Variants in KRT36 observed in about 807,000 individuals in gnomAD.
KRT36 encodes keratin, type I cuticular Ha6.
KRT36 carries 41 observed loss-of-function variants against 43.0 expected under a neutral mutation model. The observed-to-expected ratio is 0.95, with a 90% CI of 0.74 to 1.24. The LOEUF (loss-of-function observed/expected upper bound fraction) is 1.24, where lower values mean the gene tolerates loss of function less well. Ranked by LOEUF, KRT36 falls within the 50% of genes most tolerant of loss-of-function variation. KRT36 has a pLI of 0.00. For synonymous variants in KRT36, 277 were observed against 252.9 expected (o/e 1.10, Z -0.90); for missense variants, 627 against 595.3 (o/e 1.05, Z -0.55).
chr17:41,489,150 G>A (rs1302853353), intron 1 of KRT36, among the ~76,000 whole-genome samples: 1 of 152,198 alleles, frequency 6.6e-6, no homozygotes, highest in African/African-American at 2.4e-5. Flanking sequence ...TGCTGTATCC[G>A]GTAGGGGCTT....
rs752014557 is a variant in KRT36 at position 41,487,579 on chromosome 17, G to A, written c.858C>T (p.Thr286=). 6.2e-7 allele frequency: 1 copy of A among 1,613,980 alleles called. No individual in the cohort carries two copies. The highest frequency in any genetic ancestry group is 1.1e-5 in the South Asian group (1 of 91,082). Residue 286 remains threonine, a synonymous_variant, in exon 4 of 7, where the codon ACC becomes ACT. Transcript: ENST00000328119. ...TCCCAGGGCACCCCAGCCCCACCTG[G>A]GTGTTGAACCAGGCCTCCACATCTC... ...NRRDVEAWFN[T]QTEELNQQVV...
intron 1 of KRT36, 79 bp downstream of exon 1, chr17:41,489,327 T>A (rs1904495644): frequency 6.9e-7 from 1 of 1,459,128 alleles, no homozygotes; most frequent in Admixed American, 1.9e-5. Context: ...TACCGTCCCA[T>A]CTGGAAAGGC....
intron 4 of KRT36, 23 bp downstream of exon 4, chr17:41,487,553 G>A (rs1904436970): frequency 6.2e-7 from 1 of 1,613,094 alleles, no homozygotes; most frequent in African/African-American, 1.3e-5. Flanking sequence ...GGAGCCTGTG[G>A]TCCCAGGGCA....
intron 2 of KRT36, 70 bp downstream of exon 2, chr17:41,488,572 C>A: frequency 6.5e-7 from 1 of 1,539,460 alleles, no homozygotes; most frequent in Non-Finnish European, 9.0e-7. Context: ...CCCACATCAC[C>A]AGCTCCCAAA....
rs760227496 is a variant in KRT36, at chr17:41,487,205, G to A, written c.988-35C>T. The stretch of plus-strand genomic sequence containing the variant: ...GAAAGAGGAAGAGCTGCCTATTGGG[G>A]AGGAATCCCCTGACCCCAGAAACCC... On this transcript the variant is annotated intron_variant, in intron 5 of 6. Transcript: ENST00000328119. 4 of 1,597,216 alleles carry A rather than the reference G, an allele frequency of 2.5e-6. No individual in the cohort carries two copies. In the South Asian group the frequency reaches 3.4e-5, roughly 14 times the overall value.
rs775869901 is a variant in KRT36 at position 41,489,557 on chromosome 17, C to T, written c.308G>A (p.Arg103His). 3.7e-6 allele frequency: 6 copies of T among 1,614,152 alleles called. No homozygotes were observed. In the Admixed American group the frequency reaches 6.7e-5, roughly 18 times the overall value. The stretch of plus-strand genomic sequence containing the variant: ...CACCTTCTCCAGGTAGTTGGCCAGG[C>T]GGTCGTTCAGGAACTGCATAGTCTC... Reference protein sequence around the residue: ...EKETMQFLNDRLANYLEKVRQ... With the variant: ...EKETMQFLNDHLANYLEKVRQ... The change falls in exon 1 of 7, where the codon CGC becomes CAC. Residue 103 changes from arginine (R) to histidine (H), a missense_variant. Arg to His is a conservative substitution (Grantham distance 29, BLOSUM62 0). Coordinates refer to ENST00000328119, the MANE Select transcript of KRT36 (RefSeq NM_003771.5).
Position 41,489,571 on chromosome 17 carries a change from C to T in KRT36, c.294G>A (p.Gln98=), listed in dbSNP as rs1432629558. The T allele has an allele frequency of 6.2e-7, 1 of 1,614,210 alleles. No homozygotes were observed. Among genetic ancestry groups the T allele is most frequent in the Non-Finnish European group, 8.5e-7 (1 of 1,180,044 alleles). Residue 98 remains glutamine, a synonymous_variant, in exon 1 of 7, where the codon CAG becomes CAA. Transcript: ENST00000328119. The part of the protein sequence containing the change: ...SFNGSEKETM[Q]FLNDRLANYL... ...AGTTGGCCAGGCGGTCGTTCAGGAA[C>T]TGCATAGTCTCCTTCTCGCTGCCGT...
At position 41,488,648 on chromosome 17, in the gene KRT36, C is replaced by T. The variant is rs9675246; in HGVS notation, c.536G>A (p.Arg179Gln). ...CCTGATCAGGCCCACTCACTTGGTC[C>T]GGAAGTCGTCAGCAGCCAGCTTGGC... ...DNAKLAADDFRTKYETELSLR... is the reference protein window; with the variant it reads ...DNAKLAADDFQTKYETELSLR... The change falls in exon 2 of 7, where the codon CGG becomes CAG. Residue 179 changes from arginine (R) to glutamine (Q), a missense_variant. Coordinates refer to ENST00000328119, the MANE Select transcript of KRT36 (RefSeq NM_003771.5). 4.4e-3 allele frequency: 7,051 copies of T among 1,614,026 alleles called. 270 individuals carry two copies. The African/African-American group carries it at 0.084, about 19-fold the overall frequency.
chr17:41,486,617 G>A (rs1046252050), intron 6 of KRT36, 46 bp from the exon 7 acceptor site: 3 of 1,417,746 alleles, frequency 2.1e-6, no homozygotes, highest in Non-Finnish European at 2.8e-6. Flanking sequence ...TCGGAGCACT[G>A]GGCTGAGATT....
Position 41,487,582 on chromosome 17 carries a change from G to C in KRT36, c.855C>G (p.Asn285Lys). 1 of 1,614,070 alleles carries C rather than the reference G, an allele frequency of 6.2e-7. No individual in the cohort carries two copies. Among genetic ancestry groups the C allele is most frequent in the Non-Finnish European group, 8.5e-7 (1 of 1,179,934 alleles). ...CAGGGCACCCCAGCCCCACCTGGGTGTTGAACCAGGCCTCCACATCTCTGC... is the reference window on the plus strand; with the variant it reads ...CAGGGCACCCCAGCCCCACCTGGGTCTTGAACCAGGCCTCCACATCTCTGC... Reference protein sequence around the residue: ...NNRRDVEAWFNTQTEELNQQV... With the variant: ...NNRRDVEAWFKTQTEELNQQV... The change falls in exon 4 of 7, where the codon AAC becomes AAG. Residue 285 changes from asparagine to lysine, a missense_variant. Transcript: ENST00000328119.
chr17:41,488,152 A>T, intron 3 of KRT36, 91 bp downstream of exon 3: 1 of 1,263,982 alleles, frequency 7.9e-7, no homozygotes, highest in Non-Finnish European at 1.1e-6. Flanking sequence ...AGGCCTTTGT[A>T]TAGTTCCTGC....
chr17:41,489,829 AG>A lies in KRT36; in HGVS notation c.35del (p.Thr12MetfsTer89). On this transcript the variant is annotated frameshift_variant, in exon 1 of 7. Coordinates refer to ENST00000328119, the MANE Select transcript of KRT36 (RefSeq NM_003771.5). LOFTEE classifies it high-confidence loss of function. The part of the protein sequence containing the change: ...ATQTCTPTFS[T>X]GSIKGLCGTA... Reference sequence around the variant, plus strand: ...TGCCACAGAGGCCCTTGATAGACCCAGTGGAGAAGGTAGGGGTGCAGGTCTG... The same window carrying A: ...TGCCACAGAGGCCCTTGATAGACCCATGGAGAAGGTAGGGGTGCAGGTCTG... 6.2e-7 allele frequency: 1 copy of A among 1,613,426 alleles called. No individual in the cohort carries two copies. Among genetic ancestry groups the A allele is most frequent in the Non-Finnish European group, 8.5e-7 (1 of 1,179,914 alleles).
rs745805759 is a variant in KRT36, at chr17:41,487,766, G to A, written c.700-29C>T. On this transcript the variant is annotated intron_variant, in intron 3 of 6. Transcript: ENST00000328119. ...CAGAGAGGAGGCAAGACGGCATGAGGTTGTGAAAAAGATGCTGGATTGCAG... is the reference window on the plus strand; with the variant it reads ...CAGAGAGGAGGCAAGACGGCATGAGATTGTGAAAAAGATGCTGGATTGCAG... 6 of 1,580,452 alleles carry A rather than the reference G, an allele frequency of 3.8e-6. No individual in the cohort carries two copies. In the Admixed American group the frequency reaches 8.9e-5, roughly 23 times the overall value.
At position 41,487,094 on chromosome 17, in the gene KRT36, A is replaced by T; in HGVS notation, c.1064T>A (p.Ile355Asn). The T allele has an allele frequency of 6.2e-7, 1 of 1,614,218 alleles. No individual in the cohort carries two copies. The highest frequency in any genetic ancestry group is 2.2e-5 in the East Asian group (1 of 44,886). ...SSQLAQMQCL[I>N]SNVEAQLSEI... ...AGACAGCTGGGCCTCCACGTTGCTG[A>T]TCAGGCACTGCATCTGGGCCAGCTG... Residue 355 changes from isoleucine to asparagine, a missense_variant, in exon 6 of 7, where the codon ATC becomes AAC. Transcript: ENST00000328119.
Position 41,487,331 on chromosome 17 carries a change from C to A in KRT36, c.987+20G>T. The A allele has an allele frequency of 6.2e-7, 1 of 1,607,076 alleles. No individual in the cohort carries two copies. On this transcript the variant is annotated intron_variant, in intron 5 of 6. Transcript: ENST00000328119. Reference sequence around the variant, plus strand: ...ACCTGCCACAGGCCGTGGCCAGCGACGCAGGCAGGGGCCACTCACCATGCT... The same window carrying A: ...ACCTGCCACAGGCCGTGGCCAGCGAAGCAGGCAGGGGCCACTCACCATGCT...
intron 1 of KRT36, among the ~76,000 whole-genome samples, 163 bp downstream of exon 1, chr17:41,489,243 A>G (rs1425329646): frequency 2.6e-5 from 4 of 152,198 alleles, no homozygotes; most frequent in African/African-American, 9.7e-5. Flanking sequence ...AGACCAGCAG[A>G]GAAGCCTGGG....
chr17:41,489,345 T>A, intron 1 of KRT36, 61 bp downstream of exon 1: 1 of 1,540,750 alleles, frequency 6.5e-7, no homozygotes, highest in South Asian at 1.2e-5. Flanking sequence ...GGCCCTGGAA[T>A]GAGACAGACG....
Position 41,489,531 on chromosome 17 carries a change from G to T in KRT36, c.334C>A (p.Arg112Ser). The T allele has an allele frequency of 6.2e-7, 1 of 1,614,166 alleles. No homozygotes were observed. The highest frequency in any genetic ancestry group is 1.7e-5 in the Admixed American group (1 of 60,032). Residue 112 changes from arginine (R) to serine (S), a missense_variant, in exon 1 of 7, where the codon CGT becomes AGT. Coordinates refer to ENST00000328119, the MANE Select transcript of KRT36 (RefSeq NM_003771.5). ...TCCGCGTTCTCCCGCTCCAGCTGAC[G>T]CACCTTCTCCAGGTAGTTGGCCAGG... is the stretch of plus-strand genomic sequence containing the variant. ...DRLANYLEKV[R>S]QLERENAELE...
chr17:41,489,003 C>G (rs1472629652), intron 1 of KRT36, among the ~76,000 whole-genome samples: 1 of 152,212 alleles, frequency 6.6e-6, no homozygotes, highest in African/African-American at 2.4e-5. Flanking sequence ...GCATCTAACA[C>G]TGAGCCTGTG....
Sources: allele counts gnomAD v4.1 joint callset (sites outside exome capture counted in the v4.1 genomes callset), GRCh38; gene constraint gnomAD v4.1.1; transcripts MANE v1.5; gene names NCBI Gene and HGNC (gene_info 2026-07-23, HGNC 2026-07-21).